SLC4A10: variants seen among roughly 807,000 people sequenced by gnomAD.
SLC4A10 encodes the protein solute carrier family 4 member 10.
In SLC4A10, 42 loss-of-function variants were observed where a neutral mutation model predicts 137.7. The observed-to-expected ratio is 0.30, with a 90% CI of 0.24 to 0.39. The LOEUF (loss-of-function observed/expected upper bound fraction) is 0.39, where lower values mean the gene tolerates loss of function less well. SLC4A10 is among the 10% of genes least tolerant of loss of function. The probability of loss-of-function intolerance (pLI) is 1.00; values close to 1 mark genes in which losing one functional copy is unlikely to be tolerated. For synonymous variants in SLC4A10, 474 were observed against 464.1 expected (o/e 1.02, Z -0.27); for missense variants, 925 against 1,355.0 (o/e 0.68, Z 4.98).
At chr2:161,689,333 G>A (rs1456919589) in intron 1 of SLC4A10, among the ~76,000 whole-genome samples, 3 of 152,140 alleles carry the variant, frequency 2.0e-5, no homozygotes, top group Non-Finnish European at 4.4e-5. Flanking sequence ...TCCGTTCACA[G>A]CAAGTGCTCT....
At chr2:161,921,580 C>T (rs534330202) in intron 15 of SLC4A10, among the ~76,000 whole-genome samples, 1 of 152,324 alleles carries the variant, frequency 6.6e-6, no homozygotes, top group Admixed American at 6.5e-5. Context: ...ACTTGTTCAA[C>T]AAGTAATTGT....
chr2:161,689,968 G>T (rs1474352593), intron 1 of SLC4A10, among the ~76,000 whole-genome samples: 1 of 152,096 alleles, frequency 6.6e-6, no homozygotes, highest in Non-Finnish European at 1.5e-5. Context: ...GAAGAATATA[G>T]TGGATTCATG....
chr2:161,913,409 A>G (rs1426538157), intron 15 of SLC4A10, among the ~76,000 whole-genome samples: 2 of 152,212 alleles, frequency 1.3e-5, no homozygotes, highest in African/African-American at 2.4e-5. Flanking sequence ...AATGAAAAAT[A>G]TAATAAATAA....
At chr2:161,816,351 A>G (rs777400542) in intron 3 of SLC4A10, among the ~76,000 whole-genome samples, 1 of 152,184 alleles carries the variant, frequency 6.6e-6, no homozygotes, top group Admixed American at 6.5e-5. Context: ...TCTCTCTGCT[A>G]TGAAGCTAGA....
rs2060027507 is a variant in SLC4A10, at chr2:161,855,090, G to A, written c.537G>A (p.Val179=). 6.2e-7 allele frequency: 1 copy of A among 1,611,730 alleles called. No homozygotes were observed. The highest frequency in any genetic ancestry group is 1.1e-5 in the South Asian group (1 of 90,706). ...ELRSCILNGT[V]LLDMHANTLE... ...GAAGTTGTATTCTGAATGGAACTGT[G>A]TTGCTGGACATGCATGCCAACACTT... is the stretch of plus-strand genomic sequence containing the variant. The change falls in exon 5 of 27, where the codon GTG becomes GTA. Residue 179 remains valine, a synonymous_variant. Transcript: ENST00000446997.
intron 2 of SLC4A10, among the ~76,000 whole-genome samples, chr2:161,790,423 A>G (rs184947121): frequency 3.5e-4 from 54 of 152,244 alleles, no homozygotes; most frequent in African/African-American, 1.3e-3. Flanking sequence ...TATTTCTGGT[A>G]TTATTAGTTG....
chr2:161,732,700 T>G (rs528072750), intron 1 of SLC4A10, among the ~76,000 whole-genome samples: 35 of 152,264 alleles, frequency 2.3e-4, no homozygotes, highest in African/African-American at 7.9e-4. Flanking sequence ...TGGAACAGTT[T>G]GGAGGGCTGA....
intron 1 of SLC4A10, among the ~76,000 whole-genome samples, chr2:161,734,300 T>C (rs891136460): frequency 6.6e-6 from 1 of 152,112 alleles, no homozygotes; most frequent in Non-Finnish European, 1.5e-5. Flanking sequence ...CTGTGGGAGA[T>C]CATTTGAATC....
intron 1 of SLC4A10, among the ~76,000 whole-genome samples, chr2:161,639,274 G>C (rs1410470876): frequency 6.6e-6 from 1 of 151,966 alleles, no homozygotes; most frequent in African/African-American, 2.4e-5. Context: ...AAACTCATTT[G>C]ATAAGGCCAG....
intron 1 of SLC4A10, among the ~76,000 whole-genome samples, chr2:161,652,937 G>T (rs1205782446): frequency 6.6e-6 from 1 of 151,900 alleles, no homozygotes. Context: ...GTGCCATGGT[G>T]GTTTGCTGCA....
chr2:161,905,419 C>T (rs1684124975), intron 14 of SLC4A10, among the ~76,000 whole-genome samples: 1 of 152,188 alleles, frequency 6.6e-6, no homozygotes, highest in African/African-American at 2.4e-5. Flanking sequence ...CGGTAATGCT[C>T]ACTCGCCTGC....
intron 4 of SLC4A10, among the ~76,000 whole-genome samples, chr2:161,846,889 G>A (rs997032423): frequency 1.3e-5 from 2 of 152,036 alleles, no homozygotes; most frequent in South Asian, 2.1e-4. Flanking sequence ...GAACAGCTTC[G>A]TATGTTGATT....
At chr2:161,929,834 A>T (rs1439025115) in intron 15 of SLC4A10, among the ~76,000 whole-genome samples, 2 of 152,126 alleles carry the variant, frequency 1.3e-5, no homozygotes, top group East Asian at 3.8e-4. Context: ...TTGTTTTCAA[A>T]TTCTCACAAT....
intron 23 of SLC4A10, among the ~76,000 whole-genome samples, chr2:161,972,192 T>A (rs1182354724): frequency 6.7e-6 from 1 of 149,016 alleles, no homozygotes; most frequent in East Asian, 1.9e-4. Context: ...AGAAAAGAAT[T>A]GCATCTTTCT....
At chr2:161,829,287 G>A (rs76033936) in intron 3 of SLC4A10, among the ~76,000 whole-genome samples, 4,060 of 152,200 alleles carry the variant, frequency 0.027, 172 homozygotes, top group African/African-American at 0.093. Context: ...ATATGGTATA[G>A]CATTTATGTG....
chr2:161,724,222 G>T (rs2045986533), intron 1 of SLC4A10, among the ~76,000 whole-genome samples: 3 of 152,096 alleles, frequency 2.0e-5, no homozygotes, highest in Admixed American at 2.0e-4. Flanking sequence ...TCACTTCTGA[G>T]CTGCCAGAGT....
intron 2 of SLC4A10, among the ~76,000 whole-genome samples, chr2:161,794,392 C>T (rs1300346576): frequency 2.0e-5 from 3 of 152,028 alleles, no homozygotes; most frequent in Admixed American, 6.6e-5. Context: ...ATTCTTACCA[C>T]GCACATACAA....
intron 1 of SLC4A10, among the ~76,000 whole-genome samples, chr2:161,645,246 G>C (rs1395704032): frequency 1.3e-5 from 2 of 151,536 alleles, no homozygotes; most frequent in Non-Finnish European, 2.9e-5. Flanking sequence ...TTCTCTCTTG[G>C]CTTTATATGT....
intron 3 of SLC4A10, 81 bp from the exon 4 acceptor site, chr2:161,839,708 C>T: frequency 6.6e-7 from 1 of 1,520,448 alleles, no homozygotes; most frequent in Non-Finnish European, 9.0e-7. Context: ...TGGGGTGGTG[C>T]TGAAGGCAGT....
Sources: gnomAD v4.1 joint callset for allele counts (sites outside exome capture counted in the v4.1 genomes callset) on GRCh38, gnomAD v4.1.1 for gene constraint, MANE v1.5 for transcripts, NCBI Gene and HGNC (gene_info 2026-07-23, HGNC 2026-07-21) for gene names.